MGAT5: variants seen among roughly 807,000 people sequenced by gnomAD.
The protein encoded by MGAT5 is alpha-1,6-mannosylglycoprotein 6-beta-N-acetylglucosaminyltransferase A.
MGAT5 carries 30 observed loss-of-function variants against 94.3 expected under a neutral mutation model. The observed-to-expected ratio is 0.32, with a 90% confidence interval of 0.24 to 0.43. The LOEUF (loss-of-function observed/expected upper bound fraction) is 0.43. MGAT5 is among the 20% of genes least tolerant of loss of function. MGAT5 has a pLI of 1.00. For missense variants in MGAT5, 691 were observed against 905.5 expected, an observed-to-expected ratio of 0.76 and a Z score of 3.04; for synonymous variants, 310 against 322.9, an observed-to-expected ratio of 0.96 and a Z score of 0.43.
At chr2:134,187,681 C>T (rs1028986064) in intron 1 of MGAT5, among the ~76,000 whole-genome samples, 2 of 152,066 alleles carry the variant, frequency 1.3e-5, no homozygotes, top group Admixed American at 6.5e-5. Flanking sequence ...TTGCTATGTC[C>T]CGAGTGTCTA....
intron 2 of MGAT5, among the ~76,000 whole-genome samples, chr2:134,298,765 A>G (rs1685845446): frequency 6.6e-6 from 1 of 152,140 alleles, no homozygotes; most frequent in Non-Finnish European, 1.5e-5. Context: ...GAGAAGAGGT[A>G]GTTCATAATG....
chr2:134,208,197 C>G (rs1473407398), intron 1 of MGAT5, among the ~76,000 whole-genome samples: 1 of 151,944 alleles, frequency 6.6e-6, no homozygotes, highest in Non-Finnish European at 1.5e-5. Flanking sequence ...TAGTTTCCAC[C>G]ATATTCACGT....
At position 134,298,312 on chromosome 2, in the gene MGAT5, C is replaced by T. The variant is rs1435087349; in HGVS notation, c.407-19217C>T. Among the ~76,000 whole-genome samples the T allele has an allele frequency of 3.3e-5, 5 of 152,100 alleles. 1 individual carries two copies. The South Asian group carries it at 8.3e-4, about 25-fold the overall frequency. ...GATGTTTCACCATGTTGGCCAGGCT[C>T]GTCTTGAACTCCCGACCTCAAGTGA... On this transcript the variant is annotated intron_variant, in intron 2 of 15. Coordinates refer to ENST00000281923, the MANE Select transcript of MGAT5 (RefSeq NM_002410.5).
In MGAT5 at chr2:134,311,140, C is replaced by T. The variant is rs79099078; in HGVS notation, c.407-6389C>T. Among the ~76,000 whole-genome samples, 1,134 of 152,294 alleles carry T rather than the reference C, an allele frequency of 7.4e-3. 17 individuals carry two copies. The highest frequency in any genetic ancestry group is 0.026 in the African/African-American group (1,073 of 41,578). ...CTCGTGAAGTTGATAATCTTAGGGTCGGCAAAACAACTGGGTAAGGAGATT... is the reference window on the plus strand; with the variant it reads ...CTCGTGAAGTTGATAATCTTAGGGTTGGCAAAACAACTGGGTAAGGAGATT... On this transcript the variant is annotated intron_variant, in intron 2 of 15. Coordinates refer to ENST00000281923, the MANE Select transcript of MGAT5 (RefSeq NM_002410.5).
At chr2:134,219,588 T>C (rs1456571595) in intron 1 of MGAT5, among the ~76,000 whole-genome samples, 1 of 152,092 alleles carries the variant, frequency 6.6e-6, no homozygotes, top group African/African-American at 2.4e-5. Context: ...CACAGCAAAG[T>C]CACAAGGCTG....
chr2:134,341,869 G>A (rs1442619508), intron 7 of MGAT5, 110 bp downstream of exon 7: 3 of 854,398 alleles, frequency 3.5e-6, no homozygotes, highest in Non-Finnish European at 5.2e-6. Context: ...AAATGAAAGT[G>A]ATAATTCACT....
At chr2:134,430,313 T>C (rs1420613742) in intron 14 of MGAT5, among the ~76,000 whole-genome samples, 1 of 152,234 alleles carries the variant, frequency 6.6e-6, no homozygotes, top group Non-Finnish European at 1.5e-5. Flanking sequence ...CCCCTGAGGC[T>C]CAGGAATTCC....
intron 11 of MGAT5, among the ~76,000 whole-genome samples, chr2:134,405,524 T>C (rs911763936): frequency 6.6e-6 from 1 of 152,238 alleles, no homozygotes; most frequent in African/African-American, 2.4e-5. Context: ...AGGCTTCGCA[T>C]CTATAACCCT....
At chr2:134,182,887 C>T (rs1191531377) in intron 1 of MGAT5, among the ~76,000 whole-genome samples, 4 of 148,056 alleles carry the variant, frequency 2.7e-5, no homozygotes, top group Admixed American at 6.8e-5. Flanking sequence ...CCAGGGTTCA[C>T]GCCATTCTCT....
chr2:134,303,577 G>A (rs1353321362), intron 2 of MGAT5, among the ~76,000 whole-genome samples: 1 of 151,996 alleles, frequency 6.6e-6, no homozygotes, highest in Non-Finnish European at 1.5e-5. Context: ...GGGGTTTCAT[G>A]GAAAGCCTGA....
chr2:134,192,907 G>A (rs546562036), intron 1 of MGAT5, among the ~76,000 whole-genome samples: 19 of 151,966 alleles, frequency 1.3e-4, no homozygotes, highest in Admixed American at 5.9e-4. Context: ...TACCATATAT[G>A]GGAATATATA....
chr2:134,167,113 A>G (rs1374581186), intron 1 of MGAT5, among the ~76,000 whole-genome samples: 2 of 152,222 alleles, frequency 1.3e-5, no homozygotes, highest in African/African-American at 2.4e-5. Flanking sequence ...GCTGAGGTTG[A>G]TAAAGGACAA....
chr2:134,216,838 CTA>C (rs1413726297), intron 1 of MGAT5, among the ~76,000 whole-genome samples: 1 of 152,144 alleles, frequency 6.6e-6, no homozygotes, highest in Non-Finnish European at 1.5e-5. Flanking sequence ...GGAGATGTGA[CTA>C]TTGCTGTGCT....
chr2:134,158,174 C>T (rs1295925077), intron 1 of MGAT5, among the ~76,000 whole-genome samples: 1 of 152,226 alleles, frequency 6.6e-6, no homozygotes, highest in Non-Finnish European at 1.5e-5. Flanking sequence ...CAGGCCATCC[C>T]TGGCGTGAAG....
chr2:134,164,735 C>A (rs550080362), intron 1 of MGAT5, among the ~76,000 whole-genome samples: 1 of 151,836 alleles, frequency 6.6e-6, no homozygotes, highest in East Asian at 1.9e-4. Flanking sequence ...TGTGCTGAGA[C>A]AAGAGGATCG....
intron 1 of MGAT5, among the ~76,000 whole-genome samples, chr2:134,191,858 C>T (rs1319906880): frequency 1.4e-5 from 2 of 146,024 alleles, no homozygotes; most frequent in South Asian, 4.4e-4. Context: ...CTCCTGCTCG[C>T]GCCAGCGGCT....
intron 1 of MGAT5, among the ~76,000 whole-genome samples, chr2:134,262,373 G>A (rs1240963432): frequency 6.6e-6 from 1 of 152,200 alleles, no homozygotes; most frequent in African/African-American, 2.4e-5. Flanking sequence ...GAGTAGCTGG[G>A]ACTATAGGCA....
Position 134,349,820 on chromosome 2 carries a change from C to T in MGAT5, c.1128C>T (p.Val376=), listed in dbSNP as rs146814728. 29 of 1,613,368 alleles carry T rather than the reference C, an allele frequency of 1.8e-5. No individual in the cohort carries two copies. The African/African-American group carries it at 2.0e-4, about 11-fold the overall frequency. The change falls in exon 9 of 16, where the codon GTC becomes GTT. Residue 376 remains valine, a synonymous_variant. Coordinates refer to ENST00000281923, the MANE Select transcript of MGAT5 (RefSeq NM_002410.5). ...TTTCTTTCAGGTGCATGCTCCGAGT[C>T]CTTGATTCATTTGGTACTGAACCCG... ...SWVHYQCMLR[V]LDSFGTEPEF...
intron 1 of MGAT5, among the ~76,000 whole-genome samples, chr2:134,183,743 A>G (rs1029573829): frequency 6.6e-6 from 1 of 152,176 alleles, no homozygotes; most frequent in African/African-American, 2.4e-5. Flanking sequence ...GCCATCATCC[A>G]TGGTGAGGAT....
Sources: allele counts gnomAD v4.1 joint callset (sites outside exome capture counted in the v4.1 genomes callset), GRCh38; gene constraint gnomAD v4.1.1; transcripts MANE v1.5; gene names NCBI Gene and HGNC (gene_info 2026-07-23, HGNC 2026-07-21).